Variants in PLCH1 observed in about 807,000 individuals in gnomAD.
PLCH1 encodes phospholipase C eta 1, also known as 1-phosphatidylinositol 4,5-bisphosphate phosphodiesterase eta-1.
A neutral mutation model predicts 126.7 loss-of-function variants in PLCH1; 60 were observed. That is an observed-to-expected ratio of 0.47 (90% confidence interval 0.38 to 0.59). The LOEUF is 0.59. Ranked by LOEUF, PLCH1 falls within the 20% of genes least tolerant of loss-of-function variation. The pLI is 0.00. For missense variants in PLCH1, 1,723 were observed against 2,040.0 expected (o/e 0.84, Z 2.99); for synonymous variants, 719 against 734.9 (o/e 0.98, Z 0.35).
intron 21 of PLCH1, among the ~76,000 whole-genome samples, chr3:155,458,926 T>C (rs13074373): frequency 0.33 from 50,899 of 152,022 alleles, 10,725 homozygotes; most frequent in African/African-American, 0.59. Context: ...CTTGCTTCCC[T>C]AGGGTTGTAC....
At chr3:155,569,531 C>T (rs776637820) in intron 6 of PLCH1, among the ~76,000 whole-genome samples, 2 of 151,930 alleles carry the variant, frequency 1.3e-5, no homozygotes, top group African/African-American at 4.8e-5. Flanking sequence ...TTTAGGGGCC[C>T]ATATTACCAG....
At chr3:155,595,209 G>A (rs1388573293) in intron 3 of PLCH1, among the ~76,000 whole-genome samples, 1 of 152,228 alleles carries the variant, frequency 6.6e-6, no homozygotes, top group Non-Finnish European at 1.5e-5. Context: ...GAATCACAGA[G>A]ATTAGCATTA....
chr3:155,720,681 C>T (rs1747884591), intron 1 of PLCH1, among the ~76,000 whole-genome samples: 1 of 152,046 alleles, frequency 6.6e-6, no homozygotes, highest in Non-Finnish European at 1.5e-5. Context: ...TGTCTGTTTA[C>T]CCTGCTGATT....
At chr3:155,736,871 CTTT>C (rs1708381436) in intron 1 of PLCH1, among the ~76,000 whole-genome samples, 1 of 150,402 alleles carries the variant, frequency 6.6e-6, no homozygotes, top group Admixed American at 6.6e-5. Context: ...CTTTTTCTTT[CTTT>C]GTTTTTATTT....
At chr3:155,610,423 A>G (rs1322123996) in intron 2 of PLCH1, among the ~76,000 whole-genome samples, 1 of 151,308 alleles carries the variant, frequency 6.6e-6, no homozygotes, top group Non-Finnish European at 1.5e-5. Context: ...CAGATTATCT[A>G]AAGCAAAGGT....
intron 21 of PLCH1, among the ~76,000 whole-genome samples, chr3:155,456,335 T>TA (rs10626251): frequency 0.12 from 15,730 of 136,046 alleles, 1,534 homozygotes; most frequent in African/African-American, 0.27. Context: ...GCTAATGAGC[T>TA]AAAAAAAAAA....
intron 1 of PLCH1, among the ~76,000 whole-genome samples, chr3:155,721,070 T>C (rs1460429369): frequency 2.6e-5 from 4 of 152,214 alleles, no homozygotes. Context: ...GCTCCATTGG[T>C]CTATGTGCCT....
chr3:155,512,236 T>G (rs1219185427), intron 12 of PLCH1, among the ~76,000 whole-genome samples: 2 of 152,126 alleles, frequency 1.3e-5, no homozygotes, highest in Admixed American at 1.3e-4. Context: ...GAAACAGATA[T>G]CTACAAATAC....
Position 155,481,743 on chromosome 3 carries a change from G to A in PLCH1, c.4283C>T (p.Ala1428Val), listed in dbSNP as rs556595024. 3.1e-6 allele frequency: 5 copies of A among 1,614,172 alleles called. No homozygotes were observed. In the South Asian group the frequency reaches 3.3e-5, roughly 11 times the overall value. ...DVKTQSISYL[A>V]YQGAGFVHNH... is the part of the protein sequence containing the mutation. ...ATGCACAAAGCCAGCACCCTGATAGGCTAGATAAGAAATACTTTGAGTTTT... is the reference window on the plus strand; with the variant it reads ...ATGCACAAAGCCAGCACCCTGATAGACTAGATAAGAAATACTTTGAGTTTT... The change falls in exon 23 of 23, where the codon GCC (alanine) becomes GTC (valine). Residue 1428 changes from alanine (A) to valine (V), a missense_variant. By Grantham distance (64) the Ala-to-Val change is moderately conservative (BLOSUM62 0). Coordinates refer to ENST00000460012, the MANE Select transcript of PLCH1 (RefSeq NM_014996.4). This position sits in a 1 kb window ranked among gnomAD's most constrained non-coding sequence, Gnocchi z 4.2.
At chr3:155,528,172 T>C (rs783553) in intron 10 of PLCH1, among the ~76,000 whole-genome samples, 122,522 of 150,150 alleles carry the variant, frequency 0.82, 51,636 homozygotes, top group Middle Eastern at 0.95. Context: ...TGCAGTGAGT[T>C]GAGGTTGCAC....
intron 2 of PLCH1, among the ~76,000 whole-genome samples, chr3:155,628,552 T>C (rs1449744287): frequency 6.7e-5 from 3 of 44,512 alleles, no homozygotes; most frequent in Non-Finnish European, 6.8e-5. Flanking sequence ...CACCTCTCTT[T>C]TTTTTTTTTT....
At chr3:155,564,694 C>T (rs1349250532) in intron 8 of PLCH1, among the ~76,000 whole-genome samples, 1 of 152,178 alleles carries the variant, frequency 6.6e-6, no homozygotes, top group Admixed American at 6.5e-5. Context: ...CAGCAACTAA[C>T]GGTATGCTTC....
chr3:155,515,261 C>A (rs1362769213), intron 11 of PLCH1, among the ~76,000 whole-genome samples: 1 of 152,194 alleles, frequency 6.6e-6, no homozygotes, highest in East Asian at 1.9e-4. Flanking sequence ...CTCAGGACTC[C>A]AAAGCCCTTC....
chr3:155,601,406 A>T (rs1733722368), intron 2 of PLCH1, among the ~76,000 whole-genome samples: 1 of 152,172 alleles, frequency 6.6e-6, no homozygotes, highest in South Asian at 2.1e-4. Flanking sequence ...AAAATGTTGT[A>T]AAAAATACAT....
At chr3:155,551,615 A>G (rs1246102373) in intron 9 of PLCH1, among the ~76,000 whole-genome samples, 1 of 146,422 alleles carries the variant, frequency 6.8e-6, no homozygotes, top group African/African-American at 2.5e-5. Flanking sequence ...CAGGGGTGCT[A>G]TTGGCACATA....
At chr3:155,500,835 T>A (rs374799638) in intron 13 of PLCH1, 41 bp from the exon 14 acceptor site, 5 of 1,270,754 alleles carry the variant, frequency 3.9e-6, no homozygotes, top group African/African-American at 2.9e-5. Context: ...ACTCATTGTA[T>A]CAAGTATATT....
chr3:155,560,541 C>G (rs1220543605), intron 8 of PLCH1, among the ~76,000 whole-genome samples: 15 of 152,120 alleles, frequency 9.9e-5, no homozygotes, highest in Non-Finnish European at 1.9e-4. Context: ...TTGTAGTCAT[C>G]CTAATGTTTC....
intron 21 of PLCH1, among the ~76,000 whole-genome samples, chr3:155,472,374 C>A (rs553978747): frequency 1.3e-5 from 2 of 152,260 alleles, no homozygotes; most frequent in South Asian, 2.1e-4. Flanking sequence ...CAAGACTAAA[C>A]CAGGAAGAAG....
At chr3:155,700,935 T>C (rs1212039942) in intron 2 of PLCH1, among the ~76,000 whole-genome samples, 1 of 152,140 alleles carries the variant, frequency 6.6e-6, no homozygotes, top group Non-Finnish European at 1.5e-5. Context: ...AAAAGTCAAG[T>C]AGGGGAAGAT....
Sources: allele counts gnomAD v4.1 joint callset (sites outside exome capture counted in the v4.1 genomes callset), GRCh38; gene constraint gnomAD v4.1.1; non-coding constraint Gnocchi (gnomAD v3.1); transcripts MANE v1.5; gene names NCBI Gene and HGNC (gene_info 2026-07-23, HGNC 2026-07-21).